Variants in PCM1 observed in about 807,000 individuals in gnomAD.
The protein encoded by PCM1 is pericentriolar material 1.
Under a neutral mutation model 241.9 loss-of-function variants are expected in PCM1, and 157 were observed. The observed-to-expected ratio is 0.65, with a 90% CI of 0.57 to 0.74. The LOEUF is 0.74. Among genes scored for constraint, PCM1 ranks in the 30% least tolerant of loss-of-function variants. PCM1 has a pLI of 0.00. For synonymous variants in PCM1, 1,085 were observed against 784.9 expected (o/e 1.38, Z -6.39); for missense variants, 3,478 against 2,360.1 (o/e 1.47, Z -9.81).
At chr8:17,928,923 C>T (rs1010496713) in intron 2 of PCM1, among the ~76,000 whole-genome samples, 2 of 152,134 alleles carry the variant, frequency 1.3e-5, no homozygotes, top group Non-Finnish European at 2.9e-5. Flanking sequence ...TGAGCCACCG[C>T]ACCCGACCAG....
At chr8:17,924,670 T>C (rs1376818977) in intron 1 of PCM1, 43 bp from the exon 2 acceptor site, 1 of 152,256 alleles carries the variant, frequency 6.6e-6, no homozygotes, top group East Asian at 1.9e-4. Context: ...TTTCATAGCG[T>C]AAGTAATTTA....
chr8:17,956,135 CTTAATT>C (rs1041688028), intron 10 of PCM1, among the ~76,000 whole-genome samples: 7 of 152,232 alleles, frequency 4.6e-5, no homozygotes, highest in South Asian at 2.1e-4. Flanking sequence ...ACTCAGCTAA[CTTAATT>C]TTTATTTTTG....
intron 22 of PCM1, among the ~76,000 whole-genome samples, chr8:17,970,609 AAC>A (rs1044894807): frequency 3.9e-5 from 6 of 152,240 alleles, no homozygotes; most frequent in African/African-American, 1.4e-4. Flanking sequence ...TCAGAAGCCT[AAC>A]ACAGTGTTAG....
chr8:18,023,653 T>G (rs763010508), intron 36 of PCM1, among the ~76,000 whole-genome samples: 9 of 152,210 alleles, frequency 5.9e-5, no homozygotes, highest in Non-Finnish European at 1.0e-4. Flanking sequence ...CCTCCTCCAT[T>G]GATTTATTCA....
intron 1 of PCM1, among the ~76,000 whole-genome samples, chr8:17,923,846 G>C (rs1188648117): frequency 6.6e-6 from 1 of 152,136 alleles, no homozygotes; most frequent in Admixed American, 6.5e-5. Flanking sequence ...CTAGAACCGG[G>C]AAAGACTAAA....
At chr8:17,954,692 A>AT (rs986700357) in intron 9 of PCM1, among the ~76,000 whole-genome samples, 15 of 152,198 alleles carry the variant, frequency 9.9e-5, no homozygotes, top group Non-Finnish European at 1.5e-5. Context: ...TTTGAGAAAG[A>AT]TACTGGTAAA....
chr8:17,938,442 T>G (rs1247606662), intron 4 of PCM1, among the ~76,000 whole-genome samples: 1 of 152,140 alleles, frequency 6.6e-6, no homozygotes, highest in African/African-American at 2.4e-5. Context: ...TCCTAACACT[T>G]CTTGTCTGAA....
At chr8:17,973,847 C>T (rs2077710421) in intron 23 of PCM1, among the ~76,000 whole-genome samples, 1 of 152,088 alleles carries the variant, frequency 6.6e-6, no homozygotes, top group African/African-American at 2.4e-5. Flanking sequence ...ATAGTAAATG[C>T]CCTGAGAAAT....
intron 30 of PCM1, among the ~76,000 whole-genome samples, chr8:18,006,992 A>G (rs539633986): frequency 6.6e-6 from 1 of 152,306 alleles, no homozygotes; most frequent in African/African-American, 2.4e-5. Flanking sequence ...AACATTTGAC[A>G]ATACACAGGA....
chr8:18,025,093 T>A (rs1276113464), intron 36 of PCM1: 5 of 304,194 alleles, frequency 1.6e-5, no homozygotes, highest in Non-Finnish European at 3.0e-5. Context: ...TTAGTCCTGG[T>A]TGTAACTATT....
chr8:17,936,873 T>A (rs939375922), intron 3 of PCM1, among the ~76,000 whole-genome samples: 2 of 152,156 alleles, frequency 1.3e-5, no homozygotes, highest in Non-Finnish European at 2.9e-5. Flanking sequence ...GATTTTAGGG[T>A]TGGCATTTGA....
intron 6 of PCM1, among the ~76,000 whole-genome samples, chr8:17,945,106 C>T (rs543954911): frequency 2.6e-5 from 4 of 152,038 alleles, no homozygotes; most frequent in East Asian, 1.9e-4. Context: ...TACATTTTAC[C>T]GTTGACTTTG....
intron 1 of PCM1, among the ~76,000 whole-genome samples, chr8:17,923,665 A>T (rs946239785): frequency 1.3e-5 from 2 of 151,668 alleles, no homozygotes; most frequent in African/African-American, 4.8e-5. Flanking sequence ...AGAAGGGCGG[A>T]TGAGGAGCGA....
chr8:17,990,010 A>G, intron 27 of PCM1, 31 bp downstream of exon 27: 2 of 1,489,852 alleles, frequency 1.3e-6, no homozygotes, highest in East Asian at 5.0e-5. Flanking sequence ...TCTTAGAAAC[A>G]ACTTTAAGTT....
chr8:17,955,402 C>T, intron 9 of PCM1, 68 bp from the exon 10 acceptor site: 8 of 1,060,320 alleles, frequency 7.5e-6, no homozygotes, highest in Admixed American at 3.2e-5. Flanking sequence ...ATATCCAAGC[C>T]AACTGTATGT....
Position 18,028,040 on chromosome 8 carries a change from T to C in PCM1, c.*378T>C, listed in dbSNP as rs2094349492. 4 of 226,540 alleles carry C rather than the reference T, an allele frequency of 1.8e-5. No individual in the cohort carries two copies. In the South Asian group the frequency reaches 7.2e-4, roughly 41 times the overall value. The allele number at this position is 226,540 out of a possible 1,614,324, so 14.0% of individuals were successfully genotyped here. On this transcript the variant is annotated 3_prime_UTR_variant, in exon 39 of 39. Transcript: ENST00000325083. The stretch of plus-strand genomic sequence containing the variant: ...AATGTTTTATATAACTTTAGGCTGC[T>C]CAGAGAAGAGCAATGGTTAAGAGTT...
At chr8:17,943,326 A>G (rs552042283) in intron 6 of PCM1, among the ~76,000 whole-genome samples, 1 of 152,196 alleles carries the variant, frequency 6.6e-6, no homozygotes, top group African/African-American at 2.4e-5. Flanking sequence ...TATTATATCA[A>G]ATATCAAGTA....
intron 2 of PCM1, among the ~76,000 whole-genome samples, chr8:17,928,883 C>G (rs2058059614): frequency 6.6e-6 from 1 of 152,114 alleles, no homozygotes; most frequent in Non-Finnish European, 1.5e-5. Flanking sequence ...TCACCCACCT[C>G]AGCCTCCCAC....
intron 26 of PCM1, among the ~76,000 whole-genome samples, chr8:17,986,942 G>C (rs2082804361): frequency 6.6e-6 from 1 of 151,808 alleles, no homozygotes; most frequent in South Asian, 2.1e-4. Context: ...TCTGAAGCCA[G>C]TGTTTTCTCA....
Sources: allele counts gnomAD v4.1 joint callset (sites outside exome capture counted in the v4.1 genomes callset), GRCh38; gene constraint gnomAD v4.1.1; transcripts MANE v1.5; gene names NCBI Gene and HGNC (gene_info 2026-07-23, HGNC 2026-07-21).